The following HAO1 variants were observed in gnomAD, a reference collection of about 807,000 sequenced individuals.
HAO1 encodes the protein hydroxyacid oxidase 1, also known as 2-Hydroxyacid oxidase 1.
Under a neutral mutation model 39.7 loss-of-function variants are expected in HAO1, and 34 were observed. The observed-to-expected ratio is 0.86, with a 90% CI of 0.65 to 1.14. HAO1 has a LOEUF of 1.14. Among genes scored for constraint, HAO1 ranks in the 50% most tolerant of loss-of-function variants. HAO1 has a pLI of 0.00. For synonymous variants in HAO1, 172 were observed against 173.2 expected (o/e 0.99, Z 0.05); for missense variants, 479 against 464.5 (o/e 1.03, Z -0.29).
chr20:7,934,391 A>G, intron 2 of HAO1, 93 bp downstream of exon 2: 2 of 896,108 alleles, frequency 2.2e-6, no homozygotes, highest in South Asian at 3.7e-5. Flanking sequence ...GAGTGTAAAA[A>G]CATCAAGGAA....
chr20:7,940,134 A>G lies in HAO1; in HGVS notation c.137+152T>C, dbSNP rs1600125356. 8 of 546,672 alleles carry G rather than the reference A, an allele frequency of 1.5e-5. No individual in the cohort carries two copies. The East Asian group carries it at 1.6e-4, about 11-fold the overall frequency. The allele number at this position is 546,672 out of a possible 1,614,324, so 33.9% of individuals were successfully genotyped here. ...TATTTTTTAACAATTTAAAGGCCCAAGATTTCTTACAGCCCCAAGAACTTT... is the reference window on the plus strand; with the variant it reads ...TATTTTTTAACAATTTAAAGGCCCAGGATTTCTTACAGCCCCAAGAACTTT... On this transcript the variant is annotated intron_variant, in intron 1 of 7. Coordinates refer to ENST00000378789, the MANE Select transcript of HAO1 (RefSeq NM_017545.3).
chr20:7,917,900 C>T (rs2050314390), intron 2 of HAO1, among the ~76,000 whole-genome samples: 1 of 152,182 alleles, frequency 6.6e-6, no homozygotes, highest in African/African-American at 2.4e-5. Flanking sequence ...CCTTCACAAA[C>T]ATTTTACCCA....
At chr20:7,901,003 C>T (rs2122762543) in intron 4 of HAO1, among the ~76,000 whole-genome samples, 1 of 152,272 alleles carries the variant, frequency 6.6e-6, no homozygotes, top group Non-Finnish European at 1.5e-5. Context: ...GATAGATGAT[C>T]AAACCAGCCA....
At chr20:7,912,788 G>C (rs1465636282) in intron 3 of HAO1, among the ~76,000 whole-genome samples, 1 of 152,162 alleles carries the variant, frequency 6.6e-6, no homozygotes, top group Non-Finnish European at 1.5e-5. Flanking sequence ...GTTTGGCAGG[G>C]AGAGCACTTT....
Position 7,887,462 on chromosome 20 carries a change from T to G in HAO1, c.814-1598A>C, listed in dbSNP as rs553550554. Among the ~76,000 whole-genome samples the G allele has an allele frequency of 6.7e-4, 102 of 152,210 alleles. 2 individuals carry two copies. The South Asian group carries it at 0.018, about 26-fold the overall frequency. Reference sequence around the variant, plus strand: ...AGTGAAGGTAACACTTGGCATGTGGTCCCTAAATGTTTGGCAGGTAAGGCG... The same window carrying G: ...AGTGAAGGTAACACTTGGCATGTGGGCCCTAAATGTTTGGCAGGTAAGGCG... On this transcript the variant is annotated intron_variant, in intron 5 of 7. Coordinates refer to ENST00000378789, the MANE Select transcript of HAO1 (RefSeq NM_017545.3).
intron 1 of HAO1, among the ~76,000 whole-genome samples, chr20:7,936,776 C>T (rs186236568): frequency 7.0e-4 from 107 of 151,860 alleles, no homozygotes; most frequent in African/African-American, 2.4e-3. Context: ...GTAATTGCTA[C>T]GTAAAATTAG....
chr20:7,931,040 A>G lies in HAO1; in HGVS notation c.289+3444T>C, dbSNP rs149235647. Among the ~76,000 whole-genome samples the G allele has an allele frequency of 2.0e-4, 30 of 152,306 alleles. 1 individual carries two copies. The East Asian group carries it at 4.6e-3, about 24-fold the overall frequency. On this transcript the variant is annotated intron_variant, in intron 2 of 7. Coordinates refer to ENST00000378789, the MANE Select transcript of HAO1 (RefSeq NM_017545.3). ...TAAATATTAAATAGACTAATAACCT[A>G]TAGATAGTCTTTAAAACATAGGTGA...
intron 2 of HAO1, among the ~76,000 whole-genome samples, chr20:7,921,425 G>T (rs1024371134): frequency 1.3e-5 from 2 of 152,084 alleles, no homozygotes; most frequent in Non-Finnish European, 2.9e-5. Flanking sequence ...ATACCAGTCA[G>T]AATTACTTTT....
At chr20:7,910,544 G>A (rs75724129) in intron 3 of HAO1, among the ~76,000 whole-genome samples, 5,736 of 152,110 alleles carry the variant, frequency 0.038, 133 homozygotes, top group African/African-American at 0.049. Context: ...GATACCCCCT[G>A]CTTTCCCTGG....
At chr20:7,915,281 CT>C (rs1429020325) in intron 2 of HAO1, among the ~76,000 whole-genome samples, 1 of 151,764 alleles carries the variant, frequency 6.6e-6, no homozygotes, top group Non-Finnish European at 1.5e-5. Context: ...CAGATTATCC[CT>C]CATAATGTGA....
chr20:7,906,912 C>G (rs1278856115), intron 3 of HAO1, among the ~76,000 whole-genome samples: 1 of 152,324 alleles, frequency 6.6e-6, no homozygotes, highest in Non-Finnish European at 1.5e-5. Flanking sequence ...ATTCCTAACA[C>G]TATTCTCTTT....
intron 5 of HAO1, among the ~76,000 whole-genome samples, chr20:7,887,267 T>C (rs2050155145): frequency 6.6e-6 from 1 of 152,192 alleles, no homozygotes; most frequent in Admixed American, 6.5e-5. Context: ...CTAAATTAAG[T>C]ACAATTCCTA....
chr20:7,929,559 C>A (rs998229171), intron 2 of HAO1, among the ~76,000 whole-genome samples: 1 of 152,048 alleles, frequency 6.6e-6, no homozygotes, highest in African/African-American at 2.4e-5. Context: ...TACAAACATG[C>A]AGCAGTGTAA....
rs191233455 is a variant in HAO1, at chr20:7,908,491, T to C, written c.546-2162A>G. On this transcript the variant is annotated intron_variant, in intron 3 of 7. Transcript: ENST00000378789. ...CATGACTTCCTTTAATAGAAAACTA[T>C]GATTTTTTACACTTTAGAGTATTTT... is the stretch of plus-strand genomic sequence containing the variant. Among the ~76,000 whole-genome samples the C allele has an allele frequency of 3.8e-3, 572 of 152,224 alleles. 4 individuals carry two copies. The highest frequency in any genetic ancestry group is 0.014 in the Middle Eastern group (4 of 294).
At chr20:7,917,294 C>G (rs1328923204) in intron 2 of HAO1, among the ~76,000 whole-genome samples, 3 of 144,720 alleles carry the variant, frequency 2.1e-5, no homozygotes, top group African/African-American at 7.8e-5. Flanking sequence ...GAGCTGAGAT[C>G]ACACCACTGT....
In HAO1 at chr20:7,893,906, A is replaced by G. The variant is rs988677446; in HGVS notation, c.813+1227T>C. ...AGTGGACAAGGAGAAACGGTTGGGC[A>G]GTTACAGCATCAGACACTGCAAACA... On this transcript the variant is annotated intron_variant, in intron 5 of 7. Coordinates refer to ENST00000378789, the MANE Select transcript of HAO1 (RefSeq NM_017545.3). 1.1e-4 allele frequency among the ~76,000 whole-genome samples: 17 copies of G among 152,206 alleles called. 1 individual carries two copies. The highest frequency in any genetic ancestry group is 5.9e-5 in the Non-Finnish European group (4 of 68,038).
intron 4 of HAO1, among the ~76,000 whole-genome samples, chr20:7,902,202 A>C (rs1165453360): frequency 6.6e-6 from 1 of 152,358 alleles, no homozygotes; most frequent in Admixed American, 6.5e-5. Flanking sequence ...ATGTTGAAAA[A>C]GTTGTACTGT....
At chr20:7,919,853 C>T (rs1432396975) in intron 2 of HAO1, among the ~76,000 whole-genome samples, 1 of 152,192 alleles carries the variant, frequency 6.6e-6, no homozygotes, top group Non-Finnish European at 1.5e-5. Context: ...ATCTTCTCCA[C>T]AGCCAGCTTT....
chr20:7,885,413 A>G, intron 7 of HAO1, 108 bp downstream of exon 7: 1 of 740,986 alleles, frequency 1.3e-6, no homozygotes, highest in Non-Finnish European at 2.4e-6. Flanking sequence ...AATTTAATGT[A>G]CTCAAATGAT....
Sources: gnomAD v4.1 joint callset for allele counts (sites outside exome capture counted in the v4.1 genomes callset) on GRCh38, gnomAD v4.1.1 for gene constraint, MANE v1.5 for transcripts, NCBI Gene and HGNC (gene_info 2026-07-23, HGNC 2026-07-21) for gene names.